The following ZNF626 variants were observed in gnomAD, a reference collection of about 807,000 sequenced individuals.
ZNF626 encodes CTC-513N18.7.
In ZNF626, 4 loss-of-function variants were observed where a neutral mutation model predicts 11.7. The ratio of observed to expected loss-of-function variants is 0.34; its 90% confidence interval spans 0.17 to 0.78. ZNF626 has a LOEUF of 0.78. Ranked by LOEUF, ZNF626 falls within the 30% of genes least tolerant of loss-of-function variation. ZNF626 has a pLI of 0.57. For synonymous variants in ZNF626, 179 were observed against 198.6 expected (o/e 0.90, Z 0.83); for missense variants, 588 against 587.1 (o/e 1.00, Z -0.01).
chr19:20,658,110 A>G (rs1445515580), intron 1 of ZNF626, among the ~76,000 whole-genome samples: 4 of 151,852 alleles, frequency 2.6e-5, no homozygotes, highest in African/African-American at 9.7e-5. Flanking sequence ...AAGCTAAAAA[A>G]AGAAAAAAAA....
chr19:20,659,142 GCT>G (rs1223352830), intron 1 of ZNF626, among the ~76,000 whole-genome samples: 4 of 151,990 alleles, frequency 2.6e-5, no homozygotes, highest in Non-Finnish European at 5.9e-5. Context: ...CTTAGATGGT[GCT>G]CTCTTTTCTT....
chr19:20,636,233 G>T (rs557472657), intron 3 of ZNF626, among the ~76,000 whole-genome samples: 1 of 152,178 alleles, frequency 6.6e-6, no homozygotes. Context: ...ATTTATACAG[G>T]CAAAGAAACA....
At chr19:20,638,922 T>A (rs8100509) in intron 3 of ZNF626, among the ~76,000 whole-genome samples, 68,232 of 151,876 alleles carry the variant, frequency 0.45, 16,592 homozygotes, top group African/African-American at 0.64. Context: ...GACTATGTTA[T>A]TTATTTTGCA....
chr19:20,648,383 T>C (rs910135592), intron 1 of ZNF626, among the ~76,000 whole-genome samples: 24 of 151,008 alleles, frequency 1.6e-4, no homozygotes, highest in Non-Finnish European at 2.9e-4. Flanking sequence ...TCTTCTTCTT[T>C]TTTTTTTTTC....
rs1281083590 is a variant in ZNF626, at chr19:20,620,051, A to C, written c.*4239T>G. 1 of 152,212 alleles carries C rather than the reference A, an allele frequency of 6.6e-6. No individual in the cohort carries two copies. 9.4% of individuals were successfully genotyped at this position (152,212 alleles called of 1,614,324 possible). A position where few individuals can be genotyped will look rare whatever the true frequency, so the allele number is the denominator to read the frequency against. Reference sequence around the variant, plus strand: ...TTATACATTCACACACACATAGAACAATAAAAATGTATCCAATTATTCAAT... The same window carrying C: ...TTATACATTCACACACACATAGAACCATAAAAATGTATCCAATTATTCAAT... On this transcript the variant is annotated 3_prime_UTR_variant, in exon 4 of 4. Coordinates refer to ENST00000601440, the MANE Select transcript of ZNF626 (RefSeq NM_001076675.3).
chr19:20,625,601 T>G lies in ZNF626; in HGVS notation c.276A>C (p.Lys92Asn), dbSNP rs1568454274. Reference sequence around the variant, plus strand: ...TCAGTACCACTTTTTGGAAAGAATCTTTCATGCTCTGCTCTGGCCAAAGGT... The same window carrying G: ...TCAGTACCACTTTTTGGAAAGAATCGTTCATGCTCTGCTCTGGCCAAAGGT... ...AQDLWPEQSM[K>N]DSFQKVVLRR... The change falls in exon 4 of 4, where the codon AAA (lysine) becomes AAC (asparagine). Residue 92 changes from lysine (K) to asparagine (N), a missense_variant. Transcript: ENST00000601440. 1 of 1,595,004 alleles carries G rather than the reference T, an allele frequency of 6.3e-7. No homozygotes were observed. Among genetic ancestry groups the G allele is most frequent in the Non-Finnish European group, 8.5e-7 (1 of 1,171,564 alleles).
intron 3 of ZNF626, among the ~76,000 whole-genome samples, chr19:20,635,610 C>T (rs112990231): frequency 0.073 from 11,125 of 152,088 alleles, 486 homozygotes; most frequent in South Asian, 0.13. Flanking sequence ...CATAAGCCAC[C>T]GCGCCCAGCC....
At chr19:20,641,103 T>C (rs1220436182) in intron 3 of ZNF626, among the ~76,000 whole-genome samples, 6 of 146,686 alleles carry the variant, frequency 4.1e-5, no homozygotes, top group Non-Finnish European at 7.4e-5. Context: ...ACCACTGCAC[T>C]CTAGCGTGGG....
intron 1 of ZNF626, among the ~76,000 whole-genome samples, chr19:20,650,985 A>C (rs274817): frequency 6.6e-6 from 1 of 151,998 alleles, no homozygotes; most frequent in African/African-American, 2.4e-5. Context: ...TCAGGAGTTC[A>C]AGACCAGACT....
At chr19:20,648,540 C>A (rs1970110534) in intron 1 of ZNF626, among the ~76,000 whole-genome samples, 1 of 150,778 alleles carries the variant, frequency 6.6e-6, no homozygotes, top group Non-Finnish European at 1.5e-5. Context: ...CCAAGCCCAG[C>A]AAATTTTTTG....
At chr19:20,660,841 A>G (rs943503901) in intron 1 of ZNF626, among the ~76,000 whole-genome samples, 2 of 152,228 alleles carry the variant, frequency 1.3e-5, no homozygotes, top group Non-Finnish European at 2.9e-5. Context: ...TTTCCAAATA[A>G]AGTAAATGCG....
chr19:20,643,023 A>G (rs1415762257), intron 3 of ZNF626, among the ~76,000 whole-genome samples: 3 of 152,136 alleles, frequency 2.0e-5, no homozygotes, highest in Admixed American at 6.5e-5. Flanking sequence ...AAAAAAAAAA[A>G]AAAAATTTGT....
chr19:20,638,420 C>T (rs1366753818), intron 3 of ZNF626, among the ~76,000 whole-genome samples: 1 of 54,818 alleles, frequency 1.8e-5, no homozygotes, highest in African/African-American at 1.4e-4. Context: ...AGCAAAACTG[C>T]ATGTCTAAAT....
chr19:20,659,245 A>AT (rs1210047844), intron 1 of ZNF626, among the ~76,000 whole-genome samples: 157 of 147,820 alleles, frequency 1.1e-3, no homozygotes, highest in African/African-American at 3.1e-3. Context: ...GGTCAAAATA[A>AT]TTTTTTTTTT....
rs558139604 is a variant in ZNF626, at chr19:20,623,887, G to A, written c.*403C>T. On this transcript the variant is annotated 3_prime_UTR_variant, in exon 4 of 4. Transcript: ENST00000601440. ...GGTTTCTTTCCAGTATGAATTATGT[G>A]TAATAAAGGTTGAGAAGTTCCTTAA... 2.0e-5 allele frequency: 6 copies of A among 303,548 alleles called. No homozygotes were observed. The highest frequency in any genetic ancestry group is 1.6e-4 in the South Asian group (5 of 31,054). The allele number at this position is 303,548 out of a possible 1,614,324, so 18.8% of individuals were successfully genotyped here.
intron 3 of ZNF626, among the ~76,000 whole-genome samples, chr19:20,633,772 G>A (rs1004537408): frequency 4.6e-5 from 7 of 152,128 alleles, no homozygotes; most frequent in Non-Finnish European, 7.4e-5. Context: ...GCTTTGGCTC[G>A]TGCACAGTGC....
At chr19:20,627,687 C>T (rs1471388146) in intron 3 of ZNF626, among the ~76,000 whole-genome samples, 1 of 152,054 alleles carries the variant, frequency 6.6e-6, no homozygotes, top group Non-Finnish European at 1.5e-5. Context: ...CAAGAGTCAA[C>T]TTGCCTTTCT....
intron 3 of ZNF626, chr19:20,644,575 G>C (rs1486641490): frequency 6.5e-6 from 1 of 153,468 alleles, no homozygotes; most frequent in African/African-American, 2.4e-5. Context: ...AGAGGTGTCT[G>C]CTCCATCAAA....
chr19:20,642,734 T>C (rs551127529), intron 3 of ZNF626, among the ~76,000 whole-genome samples: 50 of 152,172 alleles, frequency 3.3e-4, no homozygotes, highest in African/African-American at 1.1e-3. Flanking sequence ...CGAAAATTTG[T>C]CAGGCCAGGC....
Sources: allele counts gnomAD v4.1 joint callset (sites outside exome capture counted in the v4.1 genomes callset), GRCh38; gene constraint gnomAD v4.1.1; transcripts MANE v1.5; gene names NCBI Gene and HGNC (gene_info 2026-07-23, HGNC 2026-07-21).